Variants in AVEN observed in about 807,000 individuals in gnomAD.
AVEN encodes cell death regulator Aven.
AVEN carries 41 observed loss-of-function variants against 38.1 expected under a neutral mutation model. The observed-to-expected ratio is 1.08, with a 90% CI of 0.84 to 1.40. The LOEUF is 1.40. Ranked by LOEUF, AVEN falls within the 40% of genes most tolerant of loss-of-function variation. The probability of loss-of-function intolerance (pLI) is 0.00; values close to 1 mark genes in which losing one functional copy is unlikely to be tolerated. For missense variants in AVEN, 605 were observed against 438.8 expected (o/e 1.38, Z -3.38); for synonymous variants, 206 against 171.8 (o/e 1.20, Z -1.56).
rs1243284941 is a variant in AVEN at position 34,002,120 on chromosome 15, G to C, written c.445+912C>G. On this transcript the variant is annotated intron_variant, in intron 2 of 5. Coordinates refer to ENST00000306730, the MANE Select transcript of AVEN (RefSeq NM_020371.3). Reference sequence around the variant, plus strand: ...AAACCATAATATAATATCACAACCAGAAGACTGACACTGAAACTGATACAA... The same window carrying C: ...AAACCATAATATAATATCACAACCACAAGACTGACACTGAAACTGATACAA... Among the ~76,000 whole-genome samples, 5 of 152,058 alleles carry C rather than the reference G, an allele frequency of 3.3e-5. No homozygotes were observed. The East Asian group carries it at 9.6e-4, about 29-fold the overall frequency.
intron 2 of AVEN, among the ~76,000 whole-genome samples, chr15:33,952,361 A>G (rs1388804458): frequency 6.6e-6 from 1 of 152,182 alleles, no homozygotes; most frequent in African/African-American, 2.4e-5. Context: ...GATGACTCCT[A>G]AATCTATCCT....
intron 2 of AVEN, among the ~76,000 whole-genome samples, chr15:33,994,678 G>A (rs1311735285): frequency 2.0e-5 from 3 of 152,174 alleles, no homozygotes; most frequent in Non-Finnish European, 4.4e-5. Flanking sequence ...TACATACAGT[G>A]TGTGTGAAAT....
chr15:34,017,535 T>G (rs898557271), intron 1 of AVEN, among the ~76,000 whole-genome samples: 1 of 142,106 alleles, frequency 7.0e-6, no homozygotes, highest in African/African-American at 2.6e-5. Context: ...CAGGCCGGAG[T>G]GCAGTACTGC....
chr15:33,882,901 A>T (rs1891549997), intron 2 of AVEN, among the ~76,000 whole-genome samples: 1 of 152,138 alleles, frequency 6.6e-6, no homozygotes, highest in African/African-American at 2.4e-5. Flanking sequence ...CAAAAGAAAC[A>T]AAAACGGAAG....
chr15:33,885,307 G>A (rs1891659292), intron 2 of AVEN, among the ~76,000 whole-genome samples: 1 of 152,096 alleles, frequency 6.6e-6, no homozygotes, highest in South Asian at 2.1e-4. Context: ...GGAGGGTCAA[G>A]GTGGATCCTA....
At chr15:33,978,271 A>C (rs1319663155) in intron 2 of AVEN, among the ~76,000 whole-genome samples, 1 of 152,214 alleles carries the variant, frequency 6.6e-6, no homozygotes, top group East Asian at 1.9e-4. Context: ...GTGGTACTAG[A>C]CTACAGCAAA....
At chr15:34,037,976 G>T (rs1899227225) in intron 1 of AVEN, among the ~76,000 whole-genome samples, 1 of 152,192 alleles carries the variant, frequency 6.6e-6, no homozygotes. Context: ...TAAAAAGACA[G>T]TCCTCTAACT....
chr15:33,941,986 T>A (rs1361907864), intron 2 of AVEN, among the ~76,000 whole-genome samples: 3 of 152,108 alleles, frequency 2.0e-5, no homozygotes, highest in Non-Finnish European at 4.4e-5. Flanking sequence ...ACAAAAACAC[T>A]CAGTCCTAGG....
chr15:33,864,061 C>A, downstream of AVEN: 4 of 1,094,638 alleles, frequency 3.7e-6, no homozygotes, highest in Non-Finnish European at 5.5e-6. Flanking sequence ...CCTTTCTGAG[C>A]CCTGATCACA....
chr15:34,015,055 A>C (rs1375423513), intron 1 of AVEN, among the ~76,000 whole-genome samples: 1 of 152,108 alleles, frequency 6.6e-6, no homozygotes, highest in Admixed American at 6.6e-5. Context: ...GCTGTCCTTA[A>C]CAGTGTGTCT....
intron 2 of AVEN, among the ~76,000 whole-genome samples, chr15:33,986,632 T>C (rs946037974): frequency 8.8e-5 from 13 of 147,488 alleles, no homozygotes; most frequent in Non-Finnish European, 2.0e-4. Flanking sequence ...TAATAGATCA[T>C]GACCATAAGG....
At chr15:33,983,198 GTGTATATA>G (rs796937296) in intron 2 of AVEN, among the ~76,000 whole-genome samples, 531 of 45,266 alleles carry the variant, frequency 0.012, 9 homozygotes, top group African/African-American at 0.025. Context: ...GTGTATGTGT[GTGTATATA>G]TATATATACA....
intron 11 of AVEN, chr15:33,859,592 G>C: frequency 6.2e-7 from 1 of 1,613,972 alleles, no homozygotes; most frequent in African/African-American, 1.3e-5. Context: ...TTTTCCACAT[G>C]TACGTGGGAG....
intron 5 of AVEN, among the ~76,000 whole-genome samples, chr15:34,054,844 A>G (rs936025659): frequency 7.9e-5 from 12 of 151,852 alleles, no homozygotes; most frequent in African/African-American, 2.9e-4. Flanking sequence ...AACTTAAGAT[A>G]AATGTTGGGA....
intron 2 of AVEN, among the ~76,000 whole-genome samples, chr15:33,899,093 G>A (rs1597209058): frequency 1.3e-5 from 2 of 152,112 alleles, no homozygotes; most frequent in East Asian, 3.9e-4. Flanking sequence ...GATAGAAGGT[G>A]GTCACATGCC....
At chr15:33,901,685 C>T (rs920293497) in intron 2 of AVEN, among the ~76,000 whole-genome samples, 2 of 152,144 alleles carry the variant, frequency 1.3e-5, no homozygotes, top group Non-Finnish European at 2.9e-5. Context: ...TACATCTTGA[C>T]TTTTTTATAA....
At chr15:33,957,228 G>C (rs1214829086) in intron 2 of AVEN, among the ~76,000 whole-genome samples, 1 of 152,208 alleles carries the variant, frequency 6.6e-6, no homozygotes, top group Middle Eastern at 3.4e-3. Context: ...AATTCTCTTA[G>C]GATTTGGAAG....
intron 2 of AVEN, among the ~76,000 whole-genome samples, chr15:33,962,191 A>G (rs1425760568): frequency 6.6e-6 from 1 of 152,240 alleles, no homozygotes; most frequent in Non-Finnish European, 1.5e-5. Flanking sequence ...GGGGGAAAAA[A>G]GGACCTATTT....
chr15:33,864,517 G>C (rs1440219117), downstream of AVEN, among the ~76,000 whole-genome samples: 1 of 152,188 alleles, frequency 6.6e-6, no homozygotes, highest in African/African-American at 2.4e-5. Context: ...AGAAAAATCA[G>C]AGTACAACGG....
Sources: gnomAD v4.1 joint callset for allele counts (sites outside exome capture counted in the v4.1 genomes callset) on GRCh38, gnomAD v4.1.1 for gene constraint, MANE v1.5 for transcripts, NCBI Gene and HGNC (gene_info 2026-07-23, HGNC 2026-07-21) for gene names.